PAMR1: variants seen among roughly 807,000 people sequenced by gnomAD.
PAMR1 encodes the protein peptidase domain containing associated with muscle regeneration 1, also known as inactive serine protease PAMR1.
In PAMR1, 88 loss-of-function variants were observed where a neutral mutation model predicts 81.8. That is an observed-to-expected ratio of 1.08 (90% CI 0.91 to 1.28). The LOEUF (loss-of-function observed/expected upper bound fraction) is 1.28, where lower values mean the gene tolerates loss of function less well. Ranked by LOEUF, PAMR1 falls within the 50% of genes most tolerant of loss-of-function variation. PAMR1 has a pLI of 0.00. For synonymous variants in PAMR1, 336 were observed against 345.3 expected, an observed-to-expected ratio of 0.97 and a Z score of 0.30; for missense variants, 935 against 919.7, an observed-to-expected ratio of 1.02 and a Z score of -0.21.
intron 3 of PAMR1, among the ~76,000 whole-genome samples, chr11:35,487,128 G>A (rs1850525395): frequency 6.6e-6 from 1 of 151,478 alleles, no homozygotes; most frequent in Non-Finnish European, 1.5e-5. Context: ...GCCCAGGTCA[G>A]CCCAGTTGAA....
chr11:35,505,572 C>T (rs924803806), intron 1 of PAMR1, among the ~76,000 whole-genome samples: 4 of 152,054 alleles, frequency 2.6e-5, no homozygotes, highest in African/African-American at 9.7e-5. Context: ...ATTGTTATAT[C>T]CTCTTGCTGA....
In PAMR1 at chr11:35,432,329, A is replaced by G; in HGVS notation, c.*27T>C. The G allele has an allele frequency of 6.3e-7, 1 of 1,587,060 alleles. No individual in the cohort carries two copies. Among genetic ancestry groups the G allele is most frequent in the Non-Finnish European group, 8.6e-7 (1 of 1,167,412 alleles). ...CACGTACAGACGGATATACAGAAAC[A>G]CTTCTCAAGGAGTGCATGAGCATGG... On this transcript the variant is annotated 3_prime_UTR_variant, in exon 11 of 11. Transcript: ENST00000619888.
chr11:35,468,457 G>A (rs2135376406), intron 5 of PAMR1, among the ~76,000 whole-genome samples: 2 of 152,296 alleles, frequency 1.3e-5, no homozygotes, highest in Middle Eastern at 6.8e-3. Flanking sequence ...ACATCCTTGG[G>A]TAGCTGAAGA....
At chr11:35,479,699 C>A (rs920509416) in intron 3 of PAMR1, among the ~76,000 whole-genome samples, 9 of 152,178 alleles carry the variant, frequency 5.9e-5, no homozygotes, top group Non-Finnish European at 1.0e-4. Context: ...ACCCTAAGGG[C>A]TCTCACATCA....
At chr11:35,494,492 C>T (rs1382807464) in intron 1 of PAMR1, among the ~76,000 whole-genome samples, 2 of 152,174 alleles carry the variant, frequency 1.3e-5, no homozygotes, top group Non-Finnish European at 2.9e-5. Flanking sequence ...CACCACTACG[C>T]CAGGCTAATT....
In PAMR1 at chr11:35,432,630, C is replaced by T; in HGVS notation, c.1889G>A (p.Cys630Tyr). The change falls in exon 11 of 11, where the codon TGT becomes TAT. Residue 630 changes from cysteine to tyrosine, a missense_variant. Cys to Tyr is a radical substitution (Grantham distance 194, BLOSUM62 -2). Coordinates refer to ENST00000619888, the MANE Select transcript of PAMR1 (RefSeq NM_001001991.3). ...GVVSVVDSLL[C>Y]EEQHEDHGIP... is the part of the protein sequence containing the mutation. ...GCCATGGTCCTCATGCTGCTCCTCA[C>T]ACAGCAGCGAGTCCACCACACTGAC... 8 of 1,614,094 alleles carry T rather than the reference C, an allele frequency of 5.0e-6. No individual in the cohort carries two copies. The highest frequency in any genetic ancestry group is 6.8e-6 in the Non-Finnish European group (8 of 1,179,970).
At chr11:35,461,383 A>T (rs11033132) in intron 6 of PAMR1, among the ~76,000 whole-genome samples, 49,333 of 152,028 alleles carry the variant, frequency 0.32, 8,043 homozygotes, top group Admixed American at 0.41. Flanking sequence ...GCTCTAGCCT[A>T]GGTATTTGGC....
In PAMR1 at chr11:35,523,037, T is replaced by C. The variant is rs1018874867; in HGVS notation, c.73+2476A>G. ...ATCCCATCATTAAATTATTTTCCTG[T>C]TGGGGATGCCAGGAGCTCTCAGATT... On this transcript the variant is annotated intron_variant, in intron 1 of 10. Coordinates refer to ENST00000619888, the MANE Select transcript of PAMR1 (RefSeq NM_001001991.3). Among the ~76,000 whole-genome samples, 22 of 152,368 alleles carry C rather than the reference T, an allele frequency of 1.4e-4. 1 individual carries two copies. The highest frequency in any genetic ancestry group is 3.4e-3 in the Middle Eastern group (1 of 294).
At chr11:35,433,855 G>A (rs1855972400) in intron 10 of PAMR1, among the ~76,000 whole-genome samples, 1 of 147,446 alleles carries the variant, frequency 6.8e-6, no homozygotes, top group Non-Finnish European at 1.5e-5. Flanking sequence ...TGAGGGGATG[G>A]ATAGATGGAG....
intron 1 of PAMR1, among the ~76,000 whole-genome samples, chr11:35,512,170 G>C (rs1165662828): frequency 6.6e-6 from 1 of 152,226 alleles, no homozygotes; most frequent in Non-Finnish European, 1.5e-5. Context: ...AGGAGAGGTA[G>C]AGGATCGAAA....
chr11:35,519,832 C>T (rs994423049), intron 1 of PAMR1, among the ~76,000 whole-genome samples: 9 of 152,154 alleles, frequency 5.9e-5, no homozygotes, highest in Non-Finnish European at 8.8e-5. Context: ...AGCAGATCTG[C>T]CACCGTTGGA....
intron 6 of PAMR1, among the ~76,000 whole-genome samples, chr11:35,467,156 G>T (rs1856772249): frequency 6.6e-6 from 1 of 152,112 alleles, no homozygotes; most frequent in South Asian, 2.1e-4. Flanking sequence ...AAGGAGTAAT[G>T]TACATTCCAG....
At chr11:35,437,215 T>A (rs1856071120) in intron 8 of PAMR1, among the ~76,000 whole-genome samples, 1 of 152,198 alleles carries the variant, frequency 6.6e-6, no homozygotes, top group Non-Finnish European at 1.5e-5. Flanking sequence ...CTAATGACTG[T>A]CACCTGAAAA....
intron 7 of PAMR1, among the ~76,000 whole-genome samples, chr11:35,441,035 A>G (rs1289418601): frequency 6.6e-6 from 1 of 152,198 alleles, no homozygotes; most frequent in Non-Finnish European, 1.5e-5. Flanking sequence ...GTTTTTAAAC[A>G]TCTTAACATC....
intron 1 of PAMR1, among the ~76,000 whole-genome samples, chr11:35,519,202 G>C (rs1851225592): frequency 6.6e-6 from 1 of 152,204 alleles, no homozygotes; most frequent in African/African-American, 2.4e-5. Flanking sequence ...CTGATAGACA[G>C]TAGATCCTCA....
chr11:35,433,912 AAGAC>A (rs1242698765), intron 10 of PAMR1, among the ~76,000 whole-genome samples: 1 of 152,204 alleles, frequency 6.6e-6, no homozygotes, highest in Admixed American at 6.5e-5. Flanking sequence ...GGGGGAATAA[AAGAC>A]AGGGAGGGAG....
chr11:35,484,765 C>A (rs775185191), intron 3 of PAMR1, among the ~76,000 whole-genome samples: 17 of 152,200 alleles, frequency 1.1e-4, no homozygotes, highest in Non-Finnish European at 2.1e-4. Flanking sequence ...CCTTCAGGGA[C>A]TGAAAGGCTG....
At chr11:35,486,814 C>T (rs553945354) in intron 3 of PAMR1, among the ~76,000 whole-genome samples, 4 of 152,210 alleles carry the variant, frequency 2.6e-5, no homozygotes, top group Non-Finnish European at 4.4e-5. Context: ...TTCTTTCCTT[C>T]CTGTCCCCTG....
chr11:35,452,727 C>T (rs1300076476), intron 6 of PAMR1, among the ~76,000 whole-genome samples: 2 of 152,072 alleles, frequency 1.3e-5, no homozygotes, highest in Non-Finnish European at 2.9e-5. Context: ...AGCAAAATGG[C>T]TTGGGTCTTC....
Sources: allele counts gnomAD v4.1 joint callset (sites outside exome capture counted in the v4.1 genomes callset), GRCh38; gene constraint gnomAD v4.1.1; transcripts MANE v1.5; gene names NCBI Gene and HGNC (gene_info 2026-07-23, HGNC 2026-07-21).